The following TDRD7 variants were observed in gnomAD, a reference collection of about 807,000 sequenced individuals.
TDRD7 encodes tudor domain-containing protein 7.
TDRD7 carries 47 observed loss-of-function variants against 109.8 expected under a neutral mutation model. That is an observed-to-expected ratio of 0.43 (90% CI 0.34 to 0.55). The LOEUF (loss-of-function observed/expected upper bound fraction) is 0.55, where lower values mean the gene tolerates loss of function less well. TDRD7 is among the 20% of genes least tolerant of loss of function. TDRD7 has a pLI of 0.03. For synonymous variants in TDRD7, 424 were observed against 457.3 expected, an observed-to-expected ratio of 0.93 and a Z score of 0.93; for missense variants, 1,164 against 1,319.2, an observed-to-expected ratio of 0.88 and a Z score of 1.82.
At chr9:97,478,264 A>T (rs945207407) in intron 12 of TDRD7, among the ~76,000 whole-genome samples, 175 bp from the exon 13 acceptor site, 6 of 149,244 alleles carry the variant, frequency 4.0e-5, no homozygotes, top group Admixed American at 6.6e-5. Context: ...CTGTCTCAAA[A>T]TAATAATAAT....
At chr9:97,466,323 C>T (rs1587882712) in intron 8 of TDRD7, among the ~76,000 whole-genome samples, 1 of 152,200 alleles carries the variant, frequency 6.6e-6, no homozygotes, top group Non-Finnish European at 1.5e-5. Context: ...CCCAGCCACC[C>T]TTTCCCATTT....
At chr9:97,492,094 G>A (rs1829317843) in intron 16 of TDRD7, among the ~76,000 whole-genome samples, 1 of 152,154 alleles carries the variant, frequency 6.6e-6, no homozygotes, top group Non-Finnish European at 1.5e-5. Context: ...CTTCCTGTCT[G>A]TCTCTCTGGT....
chr9:97,434,945 A>G (rs976226059), intron 4 of TDRD7, among the ~76,000 whole-genome samples: 11 of 152,190 alleles, frequency 7.2e-5, no homozygotes, highest in African/African-American at 2.7e-4. Flanking sequence ...TTTTATTTAT[A>G]TAACATTCTT....
intron 16 of TDRD7, among the ~76,000 whole-genome samples, chr9:97,489,041 G>A (rs1445551945): frequency 6.6e-6 from 1 of 152,182 alleles, no homozygotes; most frequent in Non-Finnish European, 1.5e-5. Context: ...AATTGTTAAT[G>A]TGTGTTTTAT....
intron 4 of TDRD7, among the ~76,000 whole-genome samples, chr9:97,435,218 G>T (rs1012604624): frequency 1.5e-5 from 2 of 133,206 alleles, no homozygotes; most frequent in Non-Finnish European, 3.2e-5. Context: ...TTCTGGTTTT[G>T]ATATGTACTA....
intron 5 of TDRD7, among the ~76,000 whole-genome samples, 154 bp downstream of exon 5, chr9:97,439,472 G>A (rs1189717600): frequency 1.3e-5 from 2 of 152,114 alleles, no homozygotes; most frequent in African/African-American, 2.4e-5. Context: ...GAATCAAAGT[G>A]ATCTTAAGAG....
intron 14 of TDRD7, among the ~76,000 whole-genome samples, chr9:97,482,550 A>G (rs150644923): frequency 5.3e-4 from 81 of 152,332 alleles, no homozygotes; most frequent in African/African-American, 1.9e-3. Flanking sequence ...TATTTTAATC[A>G]TGATATATAG....
chr9:97,487,857 G>A (rs550522902), intron 16 of TDRD7, among the ~76,000 whole-genome samples: 7 of 152,038 alleles, frequency 4.6e-5, no homozygotes, highest in South Asian at 4.2e-4. Context: ...TATTATTATC[G>A]CATAAATTAT....
At chr9:97,462,272 GT>G (rs1176547023) in intron 7 of TDRD7, among the ~76,000 whole-genome samples, 1 of 152,166 alleles carries the variant, frequency 6.6e-6, no homozygotes, top group African/African-American at 2.4e-5. Flanking sequence ...GGTTTCTGTT[GT>G]TCACACCAAG....
rs759484819 is a variant in TDRD7 at position 97,431,080 on chromosome 9, A to G, written c.349+6A>G. 1.2e-6 allele frequency: 2 copies of G among 1,613,746 alleles called. No homozygotes were observed. The highest frequency in any genetic ancestry group is 2.2e-5 in the South Asian group (2 of 91,086). On this transcript the variant is annotated splice_donor_region_variant and intron_variant, in intron 3 of 16. Transcript: ENST00000355295. ...CATGCCATTTTTTCTAGAAGGTAGGAGCTTTTTACATGCTAAAATTTTTAG... is the reference window on the plus strand; with the variant it reads ...CATGCCATTTTTTCTAGAAGGTAGGGGCTTTTTACATGCTAAAATTTTTAG...
chr9:97,413,647 G>C (rs117549869), intron 1 of TDRD7, among the ~76,000 whole-genome samples: 1 of 152,150 alleles, frequency 6.6e-6, no homozygotes, highest in Admixed American at 6.5e-5. Flanking sequence ...CATCAGTTAC[G>C]TGCAAAGTAC....
chr9:97,456,398 G>A lies in TDRD7; in HGVS notation c.856-3780G>A, dbSNP rs138152772. On this transcript the variant is annotated intron_variant, in intron 6 of 16. Coordinates refer to ENST00000355295, the MANE Select transcript of TDRD7 (RefSeq NM_014290.3). ...CCTAGCAAAAAAAGCAAAGCTGGAG[G>A]CATCACACTATCTGACTTCAGACTG... Among the ~76,000 whole-genome samples the A allele has an allele frequency of 3.9e-5, 6 of 152,278 alleles. No homozygotes were observed. The East Asian group carries it at 1.2e-3, about 29-fold the overall frequency.
In TDRD7 at chr9:97,412,182, C is replaced by G. The variant is rs903698274; in HGVS notation, c.-63C>G. On this transcript the variant is annotated 5_prime_UTR_variant, in exon 1 of 17. Coordinates refer to ENST00000355295, the MANE Select transcript of TDRD7 (RefSeq NM_014290.3). This position sits in a 1 kb window ranked among gnomAD's most constrained non-coding sequence, Gnocchi z 4.3. Reference sequence around the variant, plus strand: ...GCCGCGGCGGGGCCCCTGGCGGAGACGGCGGCAGGAGCTGGGCCCAGAGAC... The same window carrying G: ...GCCGCGGCGGGGCCCCTGGCGGAGAGGGCGGCAGGAGCTGGGCCCAGAGAC... 6.5e-6 allele frequency: 1 copy of G among 153,596 alleles called. No individual in the cohort carries two copies. The highest frequency in any genetic ancestry group is 2.0e-4 in the South Asian group (1 of 5,058). 9.5% of individuals were successfully genotyped at this position (153,596 alleles called of 1,614,324 possible).
intron 6 of TDRD7, among the ~76,000 whole-genome samples, chr9:97,449,754 C>T (rs1828460395): frequency 6.6e-6 from 1 of 152,192 alleles, no homozygotes; most frequent in East Asian, 1.9e-4. Context: ...AAGTTTCAAC[C>T]CTCTAATCCT....
intron 6 of TDRD7, among the ~76,000 whole-genome samples, chr9:97,442,818 G>A (rs1259934771): frequency 6.7e-6 from 1 of 149,700 alleles, no homozygotes; most frequent in Non-Finnish European, 1.5e-5. Context: ...TTTTTGAGAC[G>A]GAGTTTCACT....
At chr9:97,432,811 A>G (rs1299073792) in intron 4 of TDRD7, among the ~76,000 whole-genome samples, 1 of 152,212 alleles carries the variant, frequency 6.6e-6, no homozygotes, top group East Asian at 1.9e-4. Context: ...CTGGTTCAAA[A>G]CTATGGTTTT....
chr9:97,445,953 C>T (rs1346873379), intron 6 of TDRD7, among the ~76,000 whole-genome samples: 1 of 152,126 alleles, frequency 6.6e-6, no homozygotes, highest in African/African-American at 2.4e-5. Context: ...TAACAAGGCT[C>T]TGTCTCTACA....
intron 6 of TDRD7, among the ~76,000 whole-genome samples, chr9:97,450,008 A>G (rs750194495): frequency 2.0e-5 from 3 of 152,340 alleles, no homozygotes; most frequent in South Asian, 2.1e-4. Flanking sequence ...TGTGATTCCA[A>G]CTGTGGCAGA....
chr9:97,495,864 A>G lies in TDRD7; in HGVS notation c.3278A>G (p.Glu1093Gly), dbSNP rs757529490. 1.9e-6 allele frequency: 3 copies of G among 1,614,110 alleles called. No individual in the cohort carries two copies. Among genetic ancestry groups the G allele is most frequent in the Non-Finnish European group, 2.5e-6 (3 of 1,179,980 alleles). The change falls in exon 17 of 17, where the codon GAG (glutamate) becomes GGG (glycine). Residue 1093 changes from glutamate (E) to glycine (G), a missense_variant. Coordinates refer to ENST00000355295, the MANE Select transcript of TDRD7 (RefSeq NM_014290.3). ...IHDFMSEYLI[E>G]LSKVN ...GATTTTATGTCAGAGTATCTGATAG[A>G]GCTTTCAAAAGTTAATTAATGACTG... is the stretch of plus-strand genomic sequence containing the variant.
Sources: allele counts gnomAD v4.1 joint callset (sites outside exome capture counted in the v4.1 genomes callset), GRCh38; gene constraint gnomAD v4.1.1; non-coding constraint Gnocchi (gnomAD v3.1); transcripts MANE v1.5; gene names NCBI Gene and HGNC (gene_info 2026-07-23, HGNC 2026-07-21).